LNX1: variants seen among roughly 807,000 people sequenced by gnomAD.
LNX1 encodes the protein ligand of numb-protein X 1, also known as E3 ubiquitin-protein ligase LNX.
Under a neutral mutation model 68.4 loss-of-function variants are expected in LNX1, and 54 were observed. The ratio of observed to expected loss-of-function variants is 0.79; its 90% CI spans 0.63 to 0.99. The LOEUF (loss-of-function observed/expected upper bound fraction) is 0.99. Ranked by LOEUF, LNX1 falls within the 50% of genes least tolerant of loss-of-function variation. The pLI, the probability that LNX1 is intolerant of heterozygous loss-of-function variation, is 0.00. For synonymous variants in LNX1, 336 were observed against 350.0 expected (o/e 0.96, Z 0.45); for missense variants, 906 against 926.4 (o/e 0.98, Z 0.29).
chr4:53,465,797 CAT>C, intron 9 of LNX1, among the ~76,000 whole-genome samples: 1 of 152,278 alleles, frequency 6.6e-6, no homozygotes, highest in South Asian at 2.1e-4. Context: ...AGTTATGAAA[CAT>C]AGTACCCTTT....
chr4:53,549,878 C>T (rs1449253365), intron 2 of LNX1, among the ~76,000 whole-genome samples: 1 of 152,172 alleles, frequency 6.6e-6, no homozygotes, highest in African/African-American at 2.4e-5. Context: ...AGCTTTGCCT[C>T]TTATCCGCCT....
intron 6 of LNX1, among the ~76,000 whole-genome samples, chr4:53,488,305 A>T (rs1450440286): frequency 1.3e-5 from 2 of 152,256 alleles, no homozygotes; most frequent in African/African-American, 4.8e-5. Context: ...AGTTATGCCC[A>T]GTAGGGCAAC....
At chr4:53,517,625 T>C (rs1363958124) in intron 2 of LNX1, among the ~76,000 whole-genome samples, 2 of 152,240 alleles carry the variant, frequency 1.3e-5, no homozygotes, top group Non-Finnish European at 1.5e-5. Context: ...TCACCATACC[T>C]GCATCTTCTT....
At chr4:53,570,067 G>A (rs1193019018) in intron 2 of LNX1, among the ~76,000 whole-genome samples, 2 of 151,762 alleles carry the variant, frequency 1.3e-5, no homozygotes, top group African/African-American at 4.8e-5. Flanking sequence ...CTGTTGGTGG[G>A]ACTGTAAACT....
At chr4:53,553,709 T>TGCG (rs1729682457) in intron 2 of LNX1, among the ~76,000 whole-genome samples, 1 of 152,128 alleles carries the variant, frequency 6.6e-6, no homozygotes, top group South Asian at 2.1e-4. Context: ...TAGGGCATGC[T>TGCG]CTTTGTAGAC....
chr4:53,600,794 A>C (rs1429561249), intron 2 of LNX1, among the ~76,000 whole-genome samples: 1 of 148,956 alleles, frequency 6.7e-6, no homozygotes, highest in Non-Finnish European at 1.5e-5. Context: ...GCAGTGGTGC[A>C]ATCTTGGCTC....
At chr4:53,564,733 C>A (rs967439672) in intron 2 of LNX1, among the ~76,000 whole-genome samples, 2 of 152,002 alleles carry the variant, frequency 1.3e-5, no homozygotes, top group South Asian at 2.1e-4. Context: ...TCTGAGGTAC[C>A]GGGTTCATCT....
intron 4 of LNX1, among the ~76,000 whole-genome samples, chr4:53,501,055 C>T (rs17082936): frequency 0.052 from 7,907 of 152,068 alleles, 518 homozygotes; most frequent in African/African-American, 0.16. Context: ...AGAGCAACAC[C>T]AATGAGATCC....
At chr4:53,475,441 T>C (rs1472375259) in intron 9 of LNX1, among the ~76,000 whole-genome samples, 1 of 152,156 alleles carries the variant, frequency 6.6e-6, no homozygotes, top group Non-Finnish European at 1.5e-5. Flanking sequence ...TATCAACTAG[T>C]GAAGGCTCAA....
intron 2 of LNX1, among the ~76,000 whole-genome samples, chr4:53,612,428 G>C (rs1367597541): frequency 6.6e-6 from 1 of 152,204 alleles, no homozygotes; most frequent in Non-Finnish European, 1.5e-5. Context: ...AGGTGTTTTA[G>C]CTTGCTTCCT....
intron 2 of LNX1, among the ~76,000 whole-genome samples, chr4:53,545,673 C>T (rs1472483520): frequency 2.6e-5 from 4 of 152,108 alleles, no homozygotes; most frequent in African/African-American, 9.7e-5. Context: ...TAATTCTTAC[C>T]CCCATGAGGT....
chr4:53,570,260 A>G (rs1731052101), intron 2 of LNX1, among the ~76,000 whole-genome samples: 1 of 148,714 alleles, frequency 6.7e-6, no homozygotes, highest in Non-Finnish European at 1.5e-5. Context: ...ACTTGGAACC[A>G]ACCCAAATGT....
At chr4:53,485,784 G>A (rs923350314) in intron 6 of LNX1, among the ~76,000 whole-genome samples, 12 of 152,298 alleles carry the variant, frequency 7.9e-5, no homozygotes, top group African/African-American at 2.9e-4. Context: ...TATCAATGTG[G>A]TGTGAGTGTG....
At chr4:53,534,433 T>G (rs1248272109) in intron 2 of LNX1, among the ~76,000 whole-genome samples, 1 of 151,856 alleles carries the variant, frequency 6.6e-6, no homozygotes, top group Non-Finnish European at 1.5e-5. Context: ...GCCTAGGAGA[T>G]CCAGAGCAGC....
chr4:53,467,818 T>C (rs1340120324), intron 9 of LNX1, among the ~76,000 whole-genome samples: 16 of 151,966 alleles, frequency 1.1e-4, no homozygotes, highest in Non-Finnish European at 1.6e-4. Flanking sequence ...ATGAACAAAG[T>C]CTCCAAGAAA....
intron 5 of LNX1, 86 bp downstream of exon 5, chr4:53,498,555 T>C (rs1164188054): frequency 8.9e-6 from 8 of 894,718 alleles, no homozygotes; most frequent in Non-Finnish European, 1.5e-5. Flanking sequence ...TTTCCCTCAT[T>C]CATCCATCCA....
At chr4:53,531,292 CAGAAA>C (rs1173839758) in intron 2 of LNX1, among the ~76,000 whole-genome samples, 3 of 152,254 alleles carry the variant, frequency 2.0e-5, no homozygotes, top group East Asian at 3.9e-4. Context: ...AAAACTGGGT[CAGAAA>C]AGAAAAGGCC....
At chr4:53,514,371 A>G (rs950028680) in intron 2 of LNX1, among the ~76,000 whole-genome samples, 1 of 152,230 alleles carries the variant, frequency 6.6e-6, no homozygotes, top group Admixed American at 6.5e-5. Context: ...AGACTGGGTA[A>G]TTTATAAAGA....
intron 1 of LNX1, among the ~76,000 whole-genome samples, chr4:53,644,195 G>A (rs1368627187): frequency 6.6e-6 from 1 of 152,122 alleles, no homozygotes; most frequent in Non-Finnish European, 1.5e-5. Flanking sequence ...GAGGCCAGGA[G>A]TTTGAGACCA....
Sources: gnomAD v4.1 joint callset for allele counts (sites outside exome capture counted in the v4.1 genomes callset) on GRCh38, gnomAD v4.1.1 for gene constraint, MANE v1.5 for transcripts, NCBI Gene and HGNC (gene_info 2026-07-23, HGNC 2026-07-21) for gene names.